Variants in PKHD1 observed in about 807,000 individuals in gnomAD.
PKHD1 encodes fibrocystin.
In PKHD1, 291 loss-of-function variants were observed where a neutral mutation model predicts 412.0. The ratio of observed to expected loss-of-function variants is 0.71; its 90% confidence interval spans 0.64 to 0.78. The LOEUF is 0.78. Ranked by LOEUF, PKHD1 falls within the 30% of genes least tolerant of loss-of-function variation. The probability of loss-of-function intolerance (pLI) is 0.00; values close to 1 mark genes in which losing one functional copy is unlikely to be tolerated. For synonymous variants in PKHD1, 1,777 were observed against 1,821.5 expected (o/e 0.98, Z 0.62); for missense variants, 4,825 against 4,950.7 (o/e 0.97, Z 0.76).
intron 51 of PKHD1, among the ~76,000 whole-genome samples, chr6:51,833,118 T>C (rs565745577): frequency 6.6e-6 from 1 of 152,272 alleles, no homozygotes; most frequent in Non-Finnish European, 1.5e-5. Context: ...AAAGTCCAGA[T>C]AAAATGTCTC....
chr6:51,720,812 G>A (rs1434527732), intron 60 of PKHD1: 1 of 153,590 alleles, frequency 6.5e-6, no homozygotes, highest in Admixed American at 6.9e-5. Flanking sequence ...ATCTCTTTTT[G>A]TTGATTCTCC....
chr6:52,051,441 T>A (rs1438837883), intron 21 of PKHD1, among the ~76,000 whole-genome samples: 2 of 152,214 alleles, frequency 1.3e-5, no homozygotes, highest in Non-Finnish European at 2.9e-5. Flanking sequence ...GTAGTTTATG[T>A]TGCCATTAAA....
intron 6 of PKHD1, among the ~76,000 whole-genome samples, chr6:52,075,702 A>G (rs528085339): frequency 6.6e-6 from 1 of 152,284 alleles, no homozygotes; most frequent in South Asian, 2.1e-4. Flanking sequence ...GTGGCATCCA[A>G]TGCTGCTCAA....
chr6:51,943,105 T>C (rs772099867), intron 36 of PKHD1, among the ~76,000 whole-genome samples: 8 of 151,570 alleles, frequency 5.3e-5, no homozygotes, highest in Non-Finnish European at 8.9e-5. Context: ...CCCACCTCTA[T>C]ACAGTCTTAT....
intron 21 of PKHD1, 147 bp downstream of exon 21, chr6:52,052,929 C>T: frequency 1.4e-6 from 1 of 717,444 alleles, no homozygotes; most frequent in East Asian, 2.7e-5. Context: ...GACACATAAT[C>T]CCAGCCCCAT....
rs770851651 is a variant in PKHD1, at chr6:52,058,378, T to A, written c.1457A>T (p.Tyr486Phe). The A allele has an allele frequency of 6.2e-7, 1 of 1,614,120 alleles. No individual in the cohort carries two copies. Among genetic ancestry groups the A allele is most frequent in the Non-Finnish European group, 8.5e-7 (1 of 1,180,016 alleles). The change falls in exon 16 of 67, where the codon TAC (tyrosine) becomes TTC (phenylalanine). Residue 486 changes from tyrosine (Y) to phenylalanine (F), a missense_variant. Tyr to Phe is a conservative substitution (Grantham distance 22). Transcript: ENST00000371117. ...TCGGATCTGGTGCTTCTCCCGTAGGTAAGTGGTGACCACATCAGGATTCAG... is the reference window on the plus strand; with the variant it reads ...TCGGATCTGGTGCTTCTCCCGTAGGAAAGTGGTGACCACATCAGGATTCAG... ...TWLNPDVVTT[Y>F]LREKHQIRVR...
rs139303745 is a variant in PKHD1, at chr6:51,823,275, A to G, written c.8302+7586T>C. ...AGTTATTCTCTAGATGGGAGCACATACCAAAATAAAACCCGAGTCTCTTAT... is the reference window on the plus strand; with the variant it reads ...AGTTATTCTCTAGATGGGAGCACATGCCAAAATAAAACCCGAGTCTCTTAT... On this transcript the variant is annotated intron_variant, in intron 52 of 66. Coordinates refer to ENST00000371117, the MANE Select transcript of PKHD1 (RefSeq NM_138694.4). Among the ~76,000 whole-genome samples, 232 of 152,174 alleles carry G rather than the reference A, an allele frequency of 1.5e-3. 2 individuals carry two copies. Among genetic ancestry groups the G allele is most frequent in the African/African-American group, 5.3e-3 (220 of 41,518 alleles).
At chr6:51,963,786 T>A (rs1792416018) in intron 35 of PKHD1, among the ~76,000 whole-genome samples, 1 of 152,156 alleles carries the variant, frequency 6.6e-6, no homozygotes, top group Non-Finnish European at 1.5e-5. Flanking sequence ...AGAATGTCTC[T>A]GTTGATACCA....
chr6:51,666,760 G>C (rs1174796224), intron 60 of PKHD1, among the ~76,000 whole-genome samples: 1 of 143,230 alleles, frequency 7.0e-6, no homozygotes, highest in African/African-American at 2.6e-5. Flanking sequence ...TGTTCTCATT[G>C]TTCAATTCCC....
intron 60 of PKHD1, chr6:51,721,528 T>C (rs1379688297): frequency 2.0e-6 from 2 of 979,870 alleles, no homozygotes; most frequent in Admixed American, 6.0e-5. Context: ...CTGCAATTTA[T>C]CTCCAAAGCT....
At chr6:51,927,890 T>C (rs899334388) in intron 37 of PKHD1, among the ~76,000 whole-genome samples, 1 of 151,854 alleles carries the variant, frequency 6.6e-6, no homozygotes, top group African/African-American at 2.4e-5. Flanking sequence ...TGCTAACGGA[T>C]TGAAAACCCA....
intron 60 of PKHD1, among the ~76,000 whole-genome samples, chr6:51,740,858 T>G (rs1451410322): frequency 6.6e-6 from 1 of 152,216 alleles, no homozygotes; most frequent in Non-Finnish European, 1.5e-5. Flanking sequence ...GTATTTTTAG[T>G]GCAGTAAACA....
At chr6:51,958,792 T>A (rs1791549446) in intron 36 of PKHD1, among the ~76,000 whole-genome samples, 1 of 149,842 alleles carries the variant, frequency 6.7e-6, no homozygotes, top group Non-Finnish European at 1.5e-5. Context: ...CTGTCTATAG[T>A]GGCATTCCCA....
chr6:52,072,408 T>C (rs769072879), intron 7 of PKHD1, among the ~76,000 whole-genome samples: 1 of 152,136 alleles, frequency 6.6e-6, no homozygotes, highest in East Asian at 1.9e-4. Flanking sequence ...CAGAAAATAG[T>C]TCTCCCTTCC....
At chr6:51,950,220 A>AAAAAAAAAAAAAAAATATATATATAT in intron 36 of PKHD1, among the ~76,000 whole-genome samples, 3 of 98,328 alleles carry the variant, frequency 3.1e-5, no homozygotes, top group African/African-American at 1.1e-4. Flanking sequence ...GAAAAAAAAA[A>AAAAAAAAAAAAAAAATATATATATAT]ATATATATAT....
intron 46 of PKHD1, among the ~76,000 whole-genome samples, chr6:51,872,474 T>C (rs2151790225): frequency 6.6e-6 from 1 of 152,216 alleles, no homozygotes; most frequent in South Asian, 2.1e-4. Flanking sequence ...AGTGGCATGA[T>C]CTCGGCTCAC....
chr6:51,977,295 T>C, intron 35 of PKHD1, among the ~76,000 whole-genome samples: 1 of 152,352 alleles, frequency 6.6e-6, no homozygotes, highest in African/African-American at 2.4e-5. Flanking sequence ...TCTGTGTGTG[T>C]GCATGTGTGT....
intron 60 of PKHD1, among the ~76,000 whole-genome samples, chr6:51,697,482 G>C (rs1292600268): frequency 1.3e-5 from 2 of 152,112 alleles, no homozygotes; most frequent in Non-Finnish European, 1.5e-5. Flanking sequence ...TGTCAACCTT[G>C]GCACTTTTGA....
chr6:52,059,450 T>C (rs1472203368), intron 15 of PKHD1, among the ~76,000 whole-genome samples: 1 of 151,760 alleles, frequency 6.6e-6, no homozygotes, highest in Non-Finnish European at 1.5e-5. Flanking sequence ...GGTTTTATCA[T>C]GTTGCCCAGG....
Sources: gnomAD v4.1 joint callset for allele counts (sites outside exome capture counted in the v4.1 genomes callset) on GRCh38, gnomAD v4.1.1 for gene constraint, MANE v1.5 for transcripts, NCBI Gene and HGNC (gene_info 2026-07-23, HGNC 2026-07-21) for gene names.